ZER1: variants seen among roughly 807,000 people sequenced by gnomAD.
The protein encoded by ZER1 is zyg-11 related cell cycle regulator, also known as protein zer-1 homolog.
ZER1 carries 11 observed loss-of-function variants against 78.8 expected under a neutral mutation model. The ratio of observed to expected loss-of-function variants is 0.14; its 90% CI spans 0.09 to 0.23. ZER1 has a LOEUF of 0.23. Ranked by LOEUF, ZER1 falls within the 10% of genes least tolerant of loss-of-function variation. ZER1 has a pLI of 1.00. For missense variants in ZER1, 588 were observed against 996.9 expected, an observed-to-expected ratio of 0.59 and a Z score of 5.52; for synonymous variants, 400 against 407.0, an observed-to-expected ratio of 0.98 and a Z score of 0.21.
chr9:128,767,566 A>G (rs1023784659), intron 1 of ZER1, among the ~76,000 whole-genome samples: 1 of 152,192 alleles, frequency 6.6e-6, no homozygotes, highest in African/African-American at 2.4e-5. Flanking sequence ...CATTTTATCA[A>G]TATGATAATA....
At chr9:128,747,298 T>C (rs1164646831) in intron 8 of ZER1, among the ~76,000 whole-genome samples, 1 of 151,738 alleles carries the variant, frequency 6.6e-6, no homozygotes, top group Non-Finnish European at 1.5e-5. Flanking sequence ...TAAGTATAAT[T>C]AACAAAGCAT....
intron 8 of ZER1, 63 bp downstream of exon 8, chr9:128,750,553 G>C (rs111897580): frequency 1.9e-6 from 3 of 1,579,554 alleles, no homozygotes; most frequent in Admixed American, 1.7e-5. Context: ...CTAGCGGGAC[G>C]CAAGAAGCAG....
At chr9:128,772,352 CTCCA>C (rs112248504), upstream of ZER1, 11,354 of 152,372 alleles carry the variant, frequency 0.075, 802 homozygotes, top group African/African-American at 0.18. Context: ...TGCTCCTAAC[CTCCA>C]TCTAGGGCAT....
chr9:128,771,404 C>CT (rs1459167475), intron 1 of ZER1, among the ~76,000 whole-genome samples, 177 bp downstream of exon 1: 1 of 152,182 alleles, frequency 6.6e-6, no homozygotes, highest in Non-Finnish European at 1.5e-5. Flanking sequence ...AGGAAGGGAG[C>CT]TCAGTTTTAA....
chr9:128,737,546 G>T (rs1464275434), intron 13 of ZER1, among the ~76,000 whole-genome samples: 1 of 152,196 alleles, frequency 6.6e-6, no homozygotes, highest in African/African-American at 2.4e-5. Flanking sequence ...TCCATGCCTG[G>T]TGATTGGCCA....
chr9:128,762,173 G>C (rs1407323340), intron 1 of ZER1, among the ~76,000 whole-genome samples: 1 of 151,494 alleles, frequency 6.6e-6, no homozygotes, highest in African/African-American at 2.4e-5. Flanking sequence ...TGTCGCCCAA[G>C]ACAGTTCCTT....
rs771733191 is a variant in ZER1, at chr9:128,739,923, G to A, written c.2042+8C>T. 1 of 1,602,708 alleles carries A rather than the reference G, an allele frequency of 6.2e-7. No homozygotes were observed. The highest frequency in any genetic ancestry group is 1.7e-5 in the Admixed American group (1 of 59,772). Reference sequence around the variant, plus strand: ...ACACCGCATCCCCGCTCCCTGCCCTGCCCACACCTGTAATTGATGTTTCTC... The same window carrying A: ...ACACCGCATCCCCGCTCCCTGCCCTACCCACACCTGTAATTGATGTTTCTC... On this transcript the variant is annotated splice_region_variant and intron_variant, in intron 13 of 15. Coordinates refer to ENST00000291900, the MANE Select transcript of ZER1 (RefSeq NM_006336.4).
rs144086457 is a variant in ZER1, at chr9:128,736,619, C to T, written c.2043-1188G>A. 3.8e-3 allele frequency among the ~76,000 whole-genome samples: 557 copies of T among 148,374 alleles called. 3 individuals are homozygous for T. Among genetic ancestry groups the T allele is most frequent in the African/African-American group, 0.013 (521 of 40,178 alleles). On this transcript the variant is annotated intron_variant, in intron 13 of 15. Transcript: ENST00000291900. ...GGCTGGTCTTGAACTCCTGACCACC[C>T]GCCTTGGCCTCCCAAAGTGCTAGGA...
intron 13 of ZER1, among the ~76,000 whole-genome samples, chr9:128,738,372 A>G (rs1863163520): frequency 7.2e-6 from 1 of 138,514 alleles, no homozygotes; most frequent in Non-Finnish European, 1.5e-5. Context: ...TTTTTAATTT[A>G]TTTTTATTTT....
At chr9:128,731,732 T>C (rs980996011) in intron 15 of ZER1, among the ~76,000 whole-genome samples, 3 of 152,178 alleles carry the variant, frequency 2.0e-5, no homozygotes, top group Non-Finnish European at 2.9e-5. Context: ...TTTAGCGACC[T>C]CTTCTTCATT....
intron 8 of ZER1, among the ~76,000 whole-genome samples, chr9:128,747,421 TCCTCCACACAGTGG>T (rs1165054002): frequency 6.6e-6 from 1 of 151,848 alleles, no homozygotes; most frequent in Non-Finnish European, 1.5e-5. Flanking sequence ...TCCAGCAGAG[TCCTCCACACAGTGG>T]CCTCTCCCTG....
At chr9:128,770,645 ACATAT>A (rs1421432763) in intron 1 of ZER1, among the ~76,000 whole-genome samples, 1 of 151,998 alleles carries the variant, frequency 6.6e-6, no homozygotes, top group Non-Finnish European at 1.5e-5. Flanking sequence ...TTACCTCCTT[ACATAT>A]CATGTTTATT....
intron 9 of ZER1, 48 bp downstream of exon 9, chr9:128,742,482 G>GA (rs1564396027): frequency 6.2e-7 from 1 of 1,603,586 alleles, no homozygotes; most frequent in East Asian, 2.2e-5. Context: ...AGGGGTGGGG[G>GA]AGAGCAGTGA....
Position 128,753,790 on chromosome 9 carries a change from G to A in ZER1, c.309+19C>T, listed in dbSNP as rs778519963. 6.5e-7 allele frequency: 1 copy of A among 1,546,344 alleles called. No individual in the cohort carries two copies. The highest frequency in any genetic ancestry group is 2.3e-5 in the East Asian group (1 of 43,802). ...GCTTGGTGTGGGCCCTCCTGGCGCT[G>A]TGGCGGGGCAGGTCTCACCTGCTTG... On this transcript the variant is annotated intron_variant, in intron 3 of 15. Transcript: ENST00000291900. The surrounding 1 kb of genome is among the most constrained non-coding windows in gnomAD (Gnocchi z 7.5).
At position 128,730,047 on chromosome 9, in the gene ZER1, G is replaced by A. The variant is rs73626569; in HGVS notation, c.*1290C>T. 0.035 allele frequency: 5,278 copies of A among 152,452 alleles called. 101 individuals are homozygous for A. Among genetic ancestry groups the A allele is most frequent in the Middle Eastern group, 0.075 (22 of 294 alleles). The allele number at this position is 152,452 out of a possible 1,614,324, so 9.4% of individuals were successfully genotyped here. ...TCTCCCAAAGCTGCTCACCCCTGCC[G>A]TCCTGCCTGGAGGCAGAAATGCTAG... On this transcript the variant is annotated 3_prime_UTR_variant, in exon 16 of 16. Transcript: ENST00000291900.
chr9:128,770,944 C>T (rs1239620186), intron 1 of ZER1, among the ~76,000 whole-genome samples: 2 of 152,124 alleles, frequency 1.3e-5, no homozygotes, highest in African/African-American at 2.4e-5. Flanking sequence ...CTGGAGCGGG[C>T]GGATCACTTG....
At chr9:128,759,650 C>A (rs867039066) in intron 1 of ZER1, among the ~76,000 whole-genome samples, 3 of 151,912 alleles carry the variant, frequency 2.0e-5, no homozygotes, top group Admixed American at 6.5e-5. Context: ...AAAAAATTAG[C>A]CGGGCGTGGT....
intron 13 of ZER1, among the ~76,000 whole-genome samples, chr9:128,735,757 CCTGGTTTTTTT>C (rs1439584869): frequency 0.025 from 1,908 of 77,282 alleles, 298 homozygotes; most frequent in Non-Finnish European, 0.034. Context: ...GCACGTGTGA[CCTGGTTTTTTT>C]TTTTTTTTTT....
rs1863754733 is a variant in ZER1 at position 128,753,494 on chromosome 9, C to G, written c.416G>C (p.Cys139Ser). The G allele has an allele frequency of 6.2e-7, 1 of 1,614,006 alleles. No homozygotes were observed. Among genetic ancestry groups the G allele is most frequent in the East Asian group, 2.2e-5 (1 of 44,886 alleles). ...HTLVSLSLFGCTNIFYEEENP... is the reference protein window; with the variant it reads ...HTLVSLSLFGSTNIFYEEENP... ...CTCCTCCTCATAGAAAATGTTTGTACAGCCGAAGAGGCTCAAGGACACCAG... is the reference window on the plus strand; with the variant it reads ...CTCCTCCTCATAGAAAATGTTTGTAGAGCCGAAGAGGCTCAAGGACACCAG... Residue 139 changes from cysteine (C) to serine (S), a missense_variant, in exon 4 of 16, where the codon TGT (cysteine) becomes TCT (serine). By Grantham distance (112) the Cys-to-Ser change is moderately radical. Coordinates refer to ENST00000291900, the MANE Select transcript of ZER1 (RefSeq NM_006336.4). The surrounding 1 kb of genome is among the most constrained non-coding windows in gnomAD (Gnocchi z 7.5).
Sources: gnomAD v4.1 joint callset for allele counts (sites outside exome capture counted in the v4.1 genomes callset) on GRCh38, gnomAD v4.1.1 for gene constraint, Gnocchi (gnomAD v3.1) non-coding constraint, MANE v1.5 for transcripts, NCBI Gene and HGNC (gene_info 2026-07-23, HGNC 2026-07-21) for gene names.